KCNG3: variants seen among roughly 807,000 people sequenced by gnomAD.
KCNG3 encodes the protein potassium voltage-gated channel modifier subfamily G member 3.
A neutral mutation model predicts 29.0 loss-of-function variants in KCNG3; 15 were observed. The observed-to-expected ratio is 0.52, with a 90% CI of 0.35 to 0.80. The LOEUF is 0.80. KCNG3 is among the 30% of genes least tolerant of loss of function. The pLI is 0.01. For missense variants in KCNG3, 512 were observed against 605.7 expected (o/e 0.85, Z 1.62); for synonymous variants, 322 against 248.9 (o/e 1.29, Z -2.76).
chr2:42,447,254 A>G (rs942440956), intron 1 of KCNG3, among the ~76,000 whole-genome samples: 2 of 151,508 alleles, frequency 1.3e-5, no homozygotes, highest in Non-Finnish European at 2.9e-5. Context: ...ACATGTGTAT[A>G]TATATGTACA....
chr2:42,428,686 T>C, the KCNG3 span, among the ~76,000 whole-genome samples: 5 of 152,172 alleles, frequency 3.3e-5, no homozygotes, highest in Admixed American at 2.0e-4. Flanking sequence ...TCAAAAAGAC[T>C]AGCTAGCTTA....
In KCNG3 at chr2:42,477,382, T is replaced by TACACACACACACACACACACAC. The variant is rs1328091998; in HGVS notation, c.665+15454_665+15455insGTGTGTGTGTGTGTGTGTGTGT. On this transcript the variant is annotated intron_variant, in intron 1 of 1. Transcript: ENST00000306078. ...GTATATACATATATATACACACACATATATATACACACACACACACACACA... is the reference window on the plus strand; with the variant it reads ...GTATATACATATATATACACACACATACACACACACACACACACACACATATATACACACACACACACACACA... Among the ~76,000 whole-genome samples the TACACACACACACACACACACAC allele has an allele frequency of 7.6e-5, 8 of 105,218 alleles. No individual in the cohort carries two copies. The East Asian group carries it at 1.4e-3, about 18-fold the overall frequency. 69.0% of individuals were successfully genotyped at this position (105,218 alleles called of 152,430 possible).
chr2:42,480,758 TAAA>T (rs11338189), intron 1 of KCNG3, among the ~76,000 whole-genome samples: 16 of 122,650 alleles, frequency 1.3e-4, no homozygotes, highest in Admixed American at 3.4e-4. Flanking sequence ...AACCCCATCT[TAAA>T]AAAAAAAAAA....
intron 1 of KCNG3, among the ~76,000 whole-genome samples, chr2:42,447,078 T>C (rs1672614855): frequency 8.0e-6 from 1 of 124,840 alleles, no homozygotes; most frequent in Non-Finnish European, 1.8e-5. Context: ...ACAGCAAACC[T>C]GCCTCAAAAA....
At chr2:42,391,752 G>A in the KCNG3 span, among the ~76,000 whole-genome samples, 14 of 150,376 alleles carry the variant, frequency 9.3e-5, no homozygotes, top group African/African-American at 3.2e-4. Context: ...ACAGGCGCCC[G>A]CCACTACGCC....
chr2:42,417,202 C>A, the KCNG3 span, among the ~76,000 whole-genome samples: 1 of 152,128 alleles, frequency 6.6e-6, no homozygotes, highest in Non-Finnish European at 1.5e-5. Flanking sequence ...GAGGTTGCAC[C>A]ACTGCTCTCC....
At chr2:42,475,615 C>G (rs1673404886) in intron 1 of KCNG3, among the ~76,000 whole-genome samples, 1 of 149,718 alleles carries the variant, frequency 6.7e-6, no homozygotes, top group African/African-American at 2.5e-5. Context: ...CAGGCATGAG[C>G]TGCTGCGCCC....
the KCNG3 span, among the ~76,000 whole-genome samples, chr2:42,401,462 G>A: frequency 6.6e-6 from 1 of 151,490 alleles, no homozygotes; most frequent in Non-Finnish European, 1.5e-5. Context: ...TATTTTTGGA[G>A]ACAGGTTCTT....
the KCNG3 span, among the ~76,000 whole-genome samples, chr2:42,412,695 T>C: frequency 6.6e-6 from 1 of 152,336 alleles, no homozygotes; most frequent in African/African-American, 2.4e-5. Flanking sequence ...TATTTTATCA[T>C]TTATATTATA....
At chr2:42,422,774 T>C in the KCNG3 span, among the ~76,000 whole-genome samples, 1 of 152,194 alleles carries the variant, frequency 6.6e-6, no homozygotes, top group Non-Finnish European at 1.5e-5. Context: ...GTAACCTGCA[T>C]CTGCACCCTA....
chr2:42,464,697 C>T (rs1264841602), intron 1 of KCNG3, among the ~76,000 whole-genome samples: 8 of 152,196 alleles, frequency 5.3e-5, no homozygotes, highest in Admixed American at 5.2e-4. Context: ...CCCTTCTTGG[C>T]CAGCATCAAC....
At chr2:42,485,744 G>T (rs529819394) in intron 1 of KCNG3, among the ~76,000 whole-genome samples, 1 of 152,080 alleles carries the variant, frequency 6.6e-6, no homozygotes, top group African/African-American at 2.4e-5. Flanking sequence ...CACCGTGCCC[G>T]GCAAATGCTT....
At chr2:42,471,245 AT>A (rs1673281747) in intron 1 of KCNG3, among the ~76,000 whole-genome samples, 1 of 152,026 alleles carries the variant, frequency 6.6e-6, no homozygotes, top group African/African-American at 2.4e-5. Flanking sequence ...AGTCATAATA[AT>A]CAAAAAGTAA....
the KCNG3 span, among the ~76,000 whole-genome samples, chr2:42,389,056 TA>T: frequency 6.6e-6 from 1 of 152,118 alleles, no homozygotes; most frequent in Non-Finnish European, 1.5e-5. Context: ...TAGCTGGGAT[TA>T]CAGGCACCTG....
intron 1 of KCNG3, among the ~76,000 whole-genome samples, chr2:42,461,250 T>A (rs997155105): frequency 6.8e-6 from 1 of 146,618 alleles, no homozygotes; most frequent in African/African-American, 2.5e-5. Flanking sequence ...AAGAATTTCA[T>A]CCATCCCATG....
chr2:42,426,471 G>A, the KCNG3 span, among the ~76,000 whole-genome samples: 1 of 152,132 alleles, frequency 6.6e-6, no homozygotes, highest in African/African-American at 2.4e-5. Flanking sequence ...GGCCATTAAG[G>A]ATGACAGTTA....
Position 42,493,148 on chromosome 2 carries a change from G to C in KCNG3, c.354C>G (p.Asp118Glu). ...AGAAGGTGTAGGTGTCGGACATGCG[G>C]TCGTCGAGGCGGCGCTGGCAGCAGT... Reference protein sequence around the residue: ...LEYCCQRRLDDRMSDTYTFYS... With the variant: ...LEYCCQRRLDERMSDTYTFYS... Residue 118 changes from aspartate to glutamate, a missense_variant, in exon 1 of 2, where the codon GAC becomes GAG. Coordinates refer to ENST00000306078, the MANE Select transcript of KCNG3 (RefSeq NM_133329.6). 1 of 1,606,386 alleles carries C rather than the reference G, an allele frequency of 6.2e-7. No homozygotes were observed. The highest frequency in any genetic ancestry group is 8.5e-7 in the Non-Finnish European group (1 of 1,179,344).
Position 42,492,886 on chromosome 2 carries a change from G to C in KCNG3, c.616C>G (p.Leu206Val), listed in dbSNP as rs1046814701. The change falls in exon 1 of 2, where the codon CTG (leucine) becomes GTG (valine). Residue 206 changes from leucine to valine, a missense_variant. Leu to Val is a conservative substitution (Grantham distance 32, BLOSUM62 1). Transcript: ENST00000306078. ...GCGGAGTACCTGCTCCGGTCATCCAGGCTGCGGTTGTCGGCGGCTGCGTTG... is the reference window on the plus strand; with the variant it reads ...GCGGAGTACCTGCTCCGGTCATCCACGCTGCGGTTGTCGGCGGCTGCGTTG... ...WRNAAADNRS[L>V]DDRSRYSAGP... 4 of 1,550,180 alleles carry C rather than the reference G, an allele frequency of 2.6e-6. No homozygotes were observed. Among genetic ancestry groups the C allele is most frequent in the Non-Finnish European group, 3.5e-6 (4 of 1,154,236 alleles).
chr2:42,419,209 G>C, the KCNG3 span, among the ~76,000 whole-genome samples: 1 of 115,248 alleles, frequency 8.7e-6, no homozygotes, highest in African/African-American at 3.2e-5. Context: ...ATAAAGCTCA[G>C]ATGGTATCTC....
Sources: allele counts gnomAD v4.1 joint callset (sites outside exome capture counted in the v4.1 genomes callset), GRCh38; gene constraint gnomAD v4.1.1; transcripts MANE v1.5; gene names NCBI Gene and HGNC (gene_info 2026-07-23, HGNC 2026-07-21).